The following CNTLN variants were observed in gnomAD, a reference collection of about 807,000 sequenced individuals.
CNTLN encodes centlein.
CNTLN carries 212 observed loss-of-function variants against 180.0 expected under a neutral mutation model. The observed-to-expected ratio is 1.18, with a 90% confidence interval of 1.05 to 1.32. The LOEUF (loss-of-function observed/expected upper bound fraction) is 1.32, where lower values mean the gene tolerates loss of function less well. Ranked by LOEUF, CNTLN falls within the 40% of genes most tolerant of loss-of-function variation. The probability of loss-of-function intolerance (pLI) is 0.00; values close to 1 mark genes in which losing one functional copy is unlikely to be tolerated. For missense variants in CNTLN, 2,095 were observed against 1,610.9 expected (o/e 1.30, Z -5.14); for synonymous variants, 722 against 563.1 (o/e 1.28, Z -3.99).
rs768029198 is a variant in CNTLN at position 17,309,177 on chromosome 9, A to C, written c.1266A>C (p.Leu422Phe). 2.5e-6 allele frequency: 4 copies of C among 1,610,526 alleles called. No homozygotes were observed. In the East Asian group the frequency reaches 8.9e-5, roughly 36 times the overall value. ...AAAAAGAGCAAGAAAATGCTAAGTTAAAAGAAAAACTTCAGGAATCACAGG... is the reference window on the plus strand; with the variant it reads ...AAAAAGAGCAAGAAAATGCTAAGTTCAAAGAAAAACTTCAGGAATCACAGG... ...LLQKEQENAK[L>F]KEKLQESQGA... is the part of the protein sequence containing the mutation. Residue 422 changes from leucine (L) to phenylalanine (F), a missense_variant, in exon 8 of 26, where the codon TTA becomes TTC. Leu to Phe is a conservative substitution (Grantham distance 22, BLOSUM62 0). Transcript: ENST00000380647.
intron 8 of CNTLN, among the ~76,000 whole-genome samples, chr9:17,312,367 T>TATATATATATATA (rs1819229800): frequency 2.7e-4 from 3 of 10,952 alleles, no homozygotes; most frequent in Non-Finnish European, 5.6e-4. Context: ...ATATATATTA[T>TATATATATATATA]ATATATATAT....
At chr9:17,363,650 G>C (rs961323707) in intron 12 of CNTLN, among the ~76,000 whole-genome samples, 1 of 151,680 alleles carries the variant, frequency 6.6e-6, no homozygotes, top group Non-Finnish European at 1.5e-5. Flanking sequence ...ACAATACAAG[G>C]ACCTTGAAAT....
intron 5 of CNTLN, among the ~76,000 whole-genome samples, chr9:17,270,729 T>C (rs1042742467): frequency 6.6e-6 from 1 of 152,150 alleles, no homozygotes; most frequent in Admixed American, 6.5e-5. Flanking sequence ...AGGTGTTTTT[T>C]TGAGTCAGCT....
rs188816980 is a variant in CNTLN, at chr9:17,308,188, G to C, written c.1147-870G>C. ...CATTGTTAACCTTATATTACTGTCT[G>C]TATGATAGCACTTATATGTCATGTT... On this transcript the variant is annotated intron_variant, in intron 7 of 25. Transcript: ENST00000380647. 5.2e-3 allele frequency among the ~76,000 whole-genome samples: 794 copies of C among 152,190 alleles called. 5 individuals are homozygous for C. Among genetic ancestry groups the C allele is most frequent in the Admixed American group, 8.2e-3 (126 of 15,290 alleles).
chr9:17,524,930 G>C, the CNTLN span, among the ~76,000 whole-genome samples: 1 of 152,054 alleles, frequency 6.6e-6, no homozygotes, highest in Admixed American at 6.6e-5. Flanking sequence ...AGCTAGCCTT[G>C]GTATTTTCCT....
chr9:17,187,574 T>C (rs1821511348), intron 2 of CNTLN, among the ~76,000 whole-genome samples: 1 of 152,044 alleles, frequency 6.6e-6, no homozygotes, highest in South Asian at 2.1e-4. Context: ...TATTTACTTT[T>C]GTTTTATAAA....
At position 17,409,318 on chromosome 9, in the gene CNTLN, CA is replaced by C. The variant is rs779551884; in HGVS notation, c.2644del (p.Thr882LeufsTer7). 1.9e-6 allele frequency: 3 copies of C among 1,612,586 alleles called. No homozygotes were observed. In the South Asian group the frequency reaches 3.3e-5, roughly 18 times the overall value. The stretch of plus-strand genomic sequence containing the variant: ...CAGTGATTCTGAAGCACAGACCTCT[CA>C]AACTTTGGGAACAATTATTGTAGAA... ...SSSDSEAQTS[Q>X]TLGTIIVETS... On this transcript the variant is annotated frameshift_variant, in exon 16 of 26. Coordinates refer to ENST00000380647, the MANE Select transcript of CNTLN (RefSeq NM_017738.4). LOFTEE classifies it high-confidence loss of function.
In CNTLN at chr9:17,474,223, C is replaced by T. The variant is rs193033398; in HGVS notation, c.3855+7332C>T. 3.9e-5 allele frequency among the ~76,000 whole-genome samples: 6 copies of T among 152,266 alleles called. No homozygotes were observed. The East Asian group carries it at 1.2e-3, about 29-fold the overall frequency. On this transcript the variant is annotated intron_variant, in intron 23 of 25. Coordinates refer to ENST00000380647, the MANE Select transcript of CNTLN (RefSeq NM_017738.4). Reference sequence around the variant, plus strand: ...TCTTCCTGCCTAGTTGTGATTTTCACTTGGATGTCTAATAGGCATCTCAAA... The same window carrying T: ...TCTTCCTGCCTAGTTGTGATTTTCATTTGGATGTCTAATAGGCATCTCAAA...
chr9:17,178,504 A>G (rs1219681967), intron 2 of CNTLN, among the ~76,000 whole-genome samples: 1 of 152,064 alleles, frequency 6.6e-6, no homozygotes, highest in African/African-American at 2.4e-5. Flanking sequence ...GGGATCCCAC[A>G]GCAGGGCGGG....
chr9:17,157,060 C>T lies in CNTLN; in HGVS notation c.449+13684C>T, dbSNP rs552111994. Reference sequence around the variant, plus strand: ...GTGATAACACTGTCTACTGTCTCCTCGATAGAAAATAAAGAACGGAAGGAG... The same window carrying T: ...GTGATAACACTGTCTACTGTCTCCTTGATAGAAAATAAAGAACGGAAGGAG... On this transcript the variant is annotated intron_variant, in intron 2 of 25. Transcript: ENST00000380647. 3.7e-4 allele frequency among the ~76,000 whole-genome samples: 56 copies of T among 152,230 alleles called. No homozygotes were observed. The South Asian group carries it at 7.7e-3, about 21-fold the overall frequency.
chr9:17,191,636 T>A (rs1381162513), intron 2 of CNTLN, among the ~76,000 whole-genome samples: 2 of 152,220 alleles, frequency 1.3e-5, no homozygotes, highest in Non-Finnish European at 2.9e-5. Flanking sequence ...AATTAAGGAA[T>A]AATATATGAC....
chr9:17,253,876 T>C (rs1464635792), intron 5 of CNTLN, among the ~76,000 whole-genome samples: 1 of 151,446 alleles, frequency 6.6e-6, no homozygotes, highest in Non-Finnish European at 1.5e-5. Context: ...GAAAGGTCCT[T>C]AATTTTTCCC....
At chr9:17,302,590 T>C (rs1787683227) in intron 7 of CNTLN, among the ~76,000 whole-genome samples, 1 of 150,632 alleles carries the variant, frequency 6.6e-6, no homozygotes, top group South Asian at 2.2e-4. Context: ...TAAGGGGACC[T>C]GCCTACTACA....
At chr9:17,346,180 G>A (rs1250935693) in intron 12 of CNTLN, among the ~76,000 whole-genome samples, 1 of 152,110 alleles carries the variant, frequency 6.6e-6, no homozygotes, top group African/African-American at 2.4e-5. Context: ...GCAGAGGAGA[G>A]GAGTGAGAAG....
intron 6 of CNTLN, among the ~76,000 whole-genome samples, chr9:17,296,148 G>A (rs983507620): frequency 1.3e-5 from 2 of 151,776 alleles, no homozygotes; most frequent in African/African-American, 2.4e-5. Context: ...AACTACAGAT[G>A]TATGCTACCA....
chr9:17,140,843 A>T (rs565216697), intron 1 of CNTLN, among the ~76,000 whole-genome samples: 50 of 152,366 alleles, frequency 3.3e-4, no homozygotes, highest in Admixed American at 2.7e-3. Flanking sequence ...TGATTAAAAA[A>T]TATTAAAAAA....
In CNTLN at chr9:17,486,974, A is replaced by ATT; in HGVS notation, c.4042-8_4042-7dup. ...AAATTTCGTTAACACCAGTGTTTTT[A>ATT]TTTTTTTTCTTCAGGAAATTGAAAA... On this transcript the variant is annotated splice_polypyrimidine_tract_variant and intron_variant, in intron 24 of 25. Coordinates refer to ENST00000380647, the MANE Select transcript of CNTLN (RefSeq NM_017738.4). 6.7e-7 allele frequency: 1 copy of ATT among 1,489,568 alleles called. No individual in the cohort carries two copies. Among genetic ancestry groups the ATT allele is most frequent in the Non-Finnish European group, 9.2e-7 (1 of 1,089,490 alleles). 92.3% of individuals were successfully genotyped at this position (1,489,568 alleles called of 1,614,324 possible).
At chr9:17,247,971 C>T (rs1825904951) in intron 5 of CNTLN, among the ~76,000 whole-genome samples, 1 of 151,822 alleles carries the variant, frequency 6.6e-6, no homozygotes, top group Admixed American at 6.6e-5. Context: ...GGTGGTACTA[C>T]AGGCATCAGC....
chr9:17,214,014 C>A (rs1375610214), intron 2 of CNTLN, among the ~76,000 whole-genome samples: 1 of 152,122 alleles, frequency 6.6e-6, no homozygotes, highest in Non-Finnish European at 1.5e-5. Context: ...ATCCAATTTG[C>A]CAGTCTGTGT....
Sources: gnomAD v4.1 joint callset for allele counts (sites outside exome capture counted in the v4.1 genomes callset) on GRCh38, gnomAD v4.1.1 for gene constraint, MANE v1.5 for transcripts, NCBI Gene and HGNC (gene_info 2026-07-23, HGNC 2026-07-21) for gene names.